NCOA1: variants seen among roughly 807,000 people sequenced by gnomAD.
NCOA1 encodes Hin-2 protein.
In NCOA1, 35 loss-of-function variants were observed where a neutral mutation model predicts 150.9. That is an observed-to-expected ratio of 0.23 (90% CI 0.18 to 0.31). The LOEUF is 0.31. NCOA1 is among the 10% of genes least tolerant of loss of function. NCOA1 has a pLI of 1.00. For synonymous variants in NCOA1, 590 were observed against 630.0 expected, an observed-to-expected ratio of 0.94 and a Z score of 0.95; for missense variants, 1,491 against 1,749.3, an observed-to-expected ratio of 0.85 and a Z score of 2.63.
At chr2:24,601,076 A>C (rs1031288857) in intron 3 of NCOA1, among the ~76,000 whole-genome samples, 16 of 152,136 alleles carry the variant, frequency 1.1e-4, no homozygotes, top group African/African-American at 3.9e-4. Context: ...TGCAATTTAC[A>C]TGGGAAGCTT....
intron 17 of NCOA1, among the ~76,000 whole-genome samples, chr2:24,732,388 C>G (rs1410328171): frequency 6.6e-6 from 1 of 152,116 alleles, no homozygotes; most frequent in African/African-American, 2.4e-5. Context: ...AAAACAACTT[C>G]TACTGCAAAC....
intron 3 of NCOA1, among the ~76,000 whole-genome samples, chr2:24,589,806 T>C (rs1667577282): frequency 6.6e-6 from 1 of 152,206 alleles, no homozygotes; most frequent in South Asian, 2.1e-4. Flanking sequence ...GACATTCTTT[T>C]CTTCTGCCCC....
At chr2:24,739,684 A>C in intron 18 of NCOA1, 151 bp downstream of exon 18, 1 of 547,770 alleles carries the variant, frequency 1.8e-6, no homozygotes, top group Non-Finnish European at 3.2e-6. Context: ...TTAATAATCT[A>C]CTTTTGATAC....
intron 1 of NCOA1, among the ~76,000 whole-genome samples, chr2:24,533,481 A>G (rs558471904): frequency 2.6e-5 from 4 of 152,128 alleles, no homozygotes; most frequent in African/African-American, 4.8e-5. Flanking sequence ...TTCCAACACT[A>G]TGTAGAATAG....
At chr2:24,581,348 G>A (rs1489592619) in intron 2 of NCOA1, among the ~76,000 whole-genome samples, 1 of 152,236 alleles carries the variant, frequency 6.6e-6, no homozygotes, top group Non-Finnish European at 1.5e-5. Context: ...GGCCTTCTCT[G>A]ACATCACCAT....
intron 3 of NCOA1, among the ~76,000 whole-genome samples, chr2:24,632,997 A>G (rs1021651300): frequency 7.9e-5 from 12 of 152,242 alleles, no homozygotes; most frequent in Non-Finnish European, 1.5e-4. Context: ...AGCTTCTAAT[A>G]TGAATAACAG....
intron 3 of NCOA1, among the ~76,000 whole-genome samples, chr2:24,634,980 G>T (rs1324648351): frequency 1.3e-5 from 2 of 152,050 alleles, no homozygotes; most frequent in African/African-American, 2.4e-5. Flanking sequence ...GCCTCCCAAA[G>T]TGTTGGGATT....
At chr2:24,626,240 T>C (rs1669403355) in intron 3 of NCOA1, among the ~76,000 whole-genome samples, 1 of 152,204 alleles carries the variant, frequency 6.6e-6, no homozygotes, top group Non-Finnish European at 1.5e-5. Context: ...GTGAATTCTT[T>C]ATGGAAAGGC....
chr2:24,666,511 C>A lies in NCOA1; in HGVS notation c.256+596C>A, dbSNP rs547520314. ...TCATAGGGGATTGAGTCAGAAGACA[C>A]AAGTTGTGGAGTTGGACCTGAGGCC... On this transcript the variant is annotated intron_variant, in intron 6 of 22. Coordinates refer to ENST00000348332, the MANE Select transcript of NCOA1 (RefSeq NM_003743.5). 2.0e-5 allele frequency among the ~76,000 whole-genome samples: 3 copies of A among 152,068 alleles called. No individual in the cohort carries two copies. In the South Asian group the frequency reaches 6.2e-4, roughly 32 times the overall value.
At position 24,768,296 on chromosome 2, in the gene NCOA1, C is replaced by T. The variant is rs1198453919; in HGVS notation, c.4231C>T (p.Gln1411Ter). ...NLVGGDPYLN[Q>*]PGPLGTQKPT... ...GGTAGGCGGGGACCCTTACCTGAAC[C>T]AGCCTGGTCCACTGGGAACTCAAAA... is the stretch of plus-strand genomic sequence containing the variant. Residue 1411 changes from glutamine (Q) to a stop codon, truncating the protein, a stop_gained, in exon 23 of 23, where the codon CAG becomes TAG. Coordinates refer to ENST00000348332, the MANE Select transcript of NCOA1 (RefSeq NM_003743.5). LOFTEE classifies it high-confidence loss of function. 1.9e-6 allele frequency: 3 copies of T among 1,613,744 alleles called. No individual in the cohort carries two copies. The highest frequency in any genetic ancestry group is 2.2e-5 in the South Asian group (2 of 91,070).
At chr2:24,584,976 G>A (rs918775517) in intron 3 of NCOA1, among the ~76,000 whole-genome samples, 1 of 152,172 alleles carries the variant, frequency 6.6e-6, no homozygotes, top group Non-Finnish European at 1.5e-5. Context: ...CTGTAATGCA[G>A]CTGTCAAATG....
At chr2:24,704,999 G>A (rs190599093) in intron 11 of NCOA1, 87 bp from the exon 12 acceptor site, 17 of 1,396,550 alleles carry the variant, frequency 1.2e-5, no homozygotes, top group African/African-American at 8.6e-5. Context: ...TTTAAAATGA[G>A]GTTCTAAGTA....
chr2:24,615,389 A>T (rs1489133111), intron 3 of NCOA1, among the ~76,000 whole-genome samples: 2 of 152,168 alleles, frequency 1.3e-5, no homozygotes, highest in Non-Finnish European at 2.9e-5. Context: ...TTTTTACTTC[A>T]TGGGGTTTTT....
In NCOA1 at chr2:24,706,763, T is replaced by C; in HGVS notation, c.1293T>C (p.His431=). The change falls in exon 13 of 23, where the codon CAT becomes CAC. Residue 431 remains histidine (H), a synonymous_variant. Coordinates refer to ENST00000348332, the MANE Select transcript of NCOA1 (RefSeq NM_003743.5). The part of the protein sequence containing the change: ...QQSSDLHSSS[H]SNSSNSQGSF... Reference sequence around the variant, plus strand: ...GCTCAGACCTTCATAGCAGCAGTCATAGTAATTCTAGCAACAGCCAAGGAA... The same window carrying C: ...GCTCAGACCTTCATAGCAGCAGTCACAGTAATTCTAGCAACAGCCAAGGAA... 1 of 1,614,162 alleles carries C rather than the reference T, an allele frequency of 6.2e-7. No individual in the cohort carries two copies. The highest frequency in any genetic ancestry group is 1.1e-5 in the South Asian group (1 of 91,078).
intron 18 of NCOA1, among the ~76,000 whole-genome samples, chr2:24,739,841 G>A (rs1309916893): frequency 1.3e-5 from 2 of 152,082 alleles, no homozygotes; most frequent in Non-Finnish European, 2.9e-5. Context: ...CCTCTGATAC[G>A]AAACTGTGTG....
intron 3 of NCOA1, among the ~76,000 whole-genome samples, chr2:24,616,543 T>C (rs908283396): frequency 2.0e-5 from 3 of 152,136 alleles, no homozygotes; most frequent in Non-Finnish European, 4.4e-5. Flanking sequence ...TAAAATGATA[T>C]CGGGGATTAT....
chr2:24,565,947 G>C (rs1224081828), intron 2 of NCOA1, among the ~76,000 whole-genome samples: 1 of 152,210 alleles, frequency 6.6e-6, no homozygotes, highest in Non-Finnish European at 1.5e-5. Context: ...GCTCCAAAGA[G>C]GGTGTCACTG....
At chr2:24,742,436 A>T (rs1012598207) in intron 19 of NCOA1, among the ~76,000 whole-genome samples, 2 of 151,930 alleles carry the variant, frequency 1.3e-5, no homozygotes, top group African/African-American at 4.8e-5. Context: ...AGCATTTTGT[A>T]TGCAAAGTAC....
chr2:24,529,141 C>T (rs973118333), intron 1 of NCOA1, among the ~76,000 whole-genome samples: 8 of 152,210 alleles, frequency 5.3e-5, no homozygotes, highest in African/African-American at 1.9e-4. Context: ...TTGCCTCGGC[C>T]TCCCAAAGTG....
Sources: gnomAD v4.1 joint callset for allele counts (sites outside exome capture counted in the v4.1 genomes callset) on GRCh38, gnomAD v4.1.1 for gene constraint, MANE v1.5 for transcripts, NCBI Gene and HGNC (gene_info 2026-07-23, HGNC 2026-07-21) for gene names.